The following ANKRD55 variants were observed in gnomAD, a reference collection of about 807,000 sequenced individuals.
The protein encoded by ANKRD55 is ankyrin repeat domain 55.
In ANKRD55, 41 loss-of-function variants were observed where a neutral mutation model predicts 60.6. The ratio of observed to expected loss-of-function variants is 0.68; its 90% CI spans 0.53 to 0.88. The LOEUF (loss-of-function observed/expected upper bound fraction) is 0.88. ANKRD55 is among the 40% of genes least tolerant of loss of function. The pLI is 0.00. For missense variants in ANKRD55, 732 were observed against 767.6 expected (o/e 0.95, Z 0.55); for synonymous variants, 264 against 290.3 (o/e 0.91, Z 0.92).
chr5:56,218,584 C>T (rs1376760308), intron 2 of ANKRD55, among the ~76,000 whole-genome samples: 1 of 152,152 alleles, frequency 6.6e-6, no homozygotes, highest in Admixed American at 6.5e-5. Context: ...CTGTTGCATA[C>T]TTAATAGATT....
intron 2 of ANKRD55, among the ~76,000 whole-genome samples, chr5:56,194,315 C>CAA (rs551227581): frequency 6.9e-5 from 4 of 57,908 alleles, no homozygotes; most frequent in Non-Finnish European, 3.5e-5. Flanking sequence ...GACTCCATCT[C>CAA]AAAAAAAAAA....
At position 56,135,290 on chromosome 5, in the gene ANKRD55, G is replaced by GCTTT. The variant is rs753607878; in HGVS notation, c.613-8185_613-8184insAAAG. Among the ~76,000 whole-genome samples the GCTTT allele has an allele frequency of 2.2e-3, 155 of 69,298 alleles. 1 individual carries two copies. Among genetic ancestry groups the GCTTT allele is most frequent in the East Asian group, 7.4e-3 (17 of 2,310 alleles). 45.5% of individuals were successfully genotyped at this position (69,298 alleles called of 152,430 possible). On this transcript the variant is annotated intron_variant, in intron 7 of 11. Transcript: ENST00000341048. Reference sequence around the variant, plus strand: ...TCCCTCCCTCCCTCCCTGCCTGCCTGCTTGCTTTCTTTCTTTCTTTCTTTC... The same window carrying GCTTT: ...TCCCTCCCTCCCTCCCTGCCTGCCTGCTTTCTTGCTTTCTTTCTTTCTTTCTTTC...
chr5:56,120,300 T>C (rs1052751410), intron 8 of ANKRD55, among the ~76,000 whole-genome samples: 3 of 152,118 alleles, frequency 2.0e-5, no homozygotes, highest in Non-Finnish European at 4.4e-5. Flanking sequence ...GTGTTGGAAT[T>C]ACAGGCGTGA....
At chr5:56,223,903 C>G (rs982385273) in intron 2 of ANKRD55, among the ~76,000 whole-genome samples, 1 of 152,100 alleles carries the variant, frequency 6.6e-6, no homozygotes, top group African/African-American at 2.4e-5. Context: ...CTTTAACACC[C>G]CACTGTCAAC....
chr5:56,127,227 A>G (rs1757290838), intron 7 of ANKRD55, 121 bp from the exon 8 acceptor site: 4 of 1,322,274 alleles, frequency 3.0e-6, no homozygotes, highest in Non-Finnish European at 3.9e-6. Context: ...AAAAAGATGA[A>G]AAGAGAAAAG....
At chr5:56,212,924 A>G (rs987967699) in intron 2 of ANKRD55, among the ~76,000 whole-genome samples, 4 of 152,242 alleles carry the variant, frequency 2.6e-5, no homozygotes, top group African/African-American at 9.6e-5. Context: ...ATAAGGGGGA[A>G]AATAATTCAT....
chr5:56,193,399 T>A, intron 2 of ANKRD55: 1 of 628,362 alleles, frequency 1.6e-6, no homozygotes, highest in African/African-American at 1.9e-5. Flanking sequence ...TAGAACCTTT[T>A]GGTACTGGAA....
In ANKRD55 at chr5:56,173,949, T is replaced by G. The variant is rs77016061; in HGVS notation, c.312+2203A>C. On this transcript the variant is annotated intron_variant, in intron 4 of 11. Transcript: ENST00000341048. The stretch of plus-strand genomic sequence containing the variant: ...AGACTTAACTTCTAAGTGTCCCGTT[T>G]GCGACATTTTTCTTTAATTCTTGAA... 2.6e-3 allele frequency among the ~76,000 whole-genome samples: 395 copies of G among 152,302 alleles called. 5 individuals carry two copies. The East Asian group carries it at 0.054, about 21-fold the overall frequency.
intron 7 of ANKRD55, among the ~76,000 whole-genome samples, chr5:56,141,081 A>C (rs550168481): frequency 9.0e-4 from 134 of 148,974 alleles, no homozygotes; most frequent in African/African-American, 3.2e-3. Context: ...ATATCTATCT[A>C]TATATATATG....
In ANKRD55 at chr5:56,175,724, G is replaced by A. The variant is rs569075165; in HGVS notation, c.312+428C>T. On this transcript the variant is annotated intron_variant, in intron 4 of 11. Transcript: ENST00000341048. ...CCTCCCACCACCTTCCCCAGTTCTC[G>A]TTGTTCTCCACATTCCTTAGCCTCA... Among the ~76,000 whole-genome samples the A allele has an allele frequency of 2.2e-4, 33 of 152,058 alleles. 1 individual carries two copies. The highest frequency in any genetic ancestry group is 3.4e-3 in the Middle Eastern group (1 of 294).
chr5:56,196,924 G>C (rs185487035), intron 2 of ANKRD55, among the ~76,000 whole-genome samples: 25 of 152,246 alleles, frequency 1.6e-4, no homozygotes, highest in Middle Eastern at 3.4e-3. Context: ...TGTTGGAAAT[G>C]CAACCTCTCT....
chr5:56,201,855 G>A (rs973544387), intron 2 of ANKRD55, among the ~76,000 whole-genome samples: 3 of 152,170 alleles, frequency 2.0e-5, no homozygotes, highest in Non-Finnish European at 4.4e-5. Context: ...TATCACAATA[G>A]CAGCACTATT....
intron 7 of ANKRD55, among the ~76,000 whole-genome samples, chr5:56,133,077 A>G (rs1757467510): frequency 6.6e-6 from 1 of 152,232 alleles, no homozygotes; most frequent in African/African-American, 2.4e-5. Context: ...TGAAGACTTC[A>G]ACATCCCTCT....
rs1477960130 is a variant in ANKRD55 at position 56,099,992 on chromosome 5, ACACC to A, written c.*187_*190del. ...ACAGAAATTCACAGACTTAATATGCACACCCAAATATTCTAAGTGCTTATTTAGG... is the reference window on the plus strand; with the variant it reads ...ACAGAAATTCACAGACTTAATATGCACAAATATTCTAAGTGCTTATTTAGG... On this transcript the variant is annotated 3_prime_UTR_variant, in exon 12 of 12. Transcript: ENST00000341048. The A allele has an allele frequency of 1.5e-6, 1 of 685,946 alleles. No homozygotes were observed. The highest frequency in any genetic ancestry group is 1.8e-5 in the African/African-American group (1 of 55,868). The allele number at this position is 685,946 out of a possible 1,614,324, so 42.5% of individuals were successfully genotyped here.
At chr5:56,193,234 C>G (rs1317646460) in intron 2 of ANKRD55, 7 of 1,028,184 alleles carry the variant, frequency 6.8e-6, no homozygotes, top group Non-Finnish European at 8.5e-6. Context: ...GCATTTAAAA[C>G]AGACAAGTGT....
At chr5:56,113,583 GCAGA>G (rs1561252591) in intron 9 of ANKRD55, among the ~76,000 whole-genome samples, 1 of 152,062 alleles carries the variant, frequency 6.6e-6, no homozygotes, top group Non-Finnish European at 1.5e-5. Context: ...TTTATGCCTT[GCAGA>G]CAAACTGTGG....
At position 56,149,940 on chromosome 5, in the gene ANKRD55, C is replaced by G. The variant is rs546555559; in HGVS notation, c.484-6011G>C. On this transcript the variant is annotated intron_variant, in intron 6 of 11. Coordinates refer to ENST00000341048, the MANE Select transcript of ANKRD55 (RefSeq NM_024669.3). ...TACTGCAACCTCCACCTCCTGGGTT[C>G]AAGAGATTCTCCTGCCTCAGCCTCT... 2.0e-5 allele frequency among the ~76,000 whole-genome samples: 3 copies of G among 151,352 alleles called. No homozygotes were observed. In the East Asian group the frequency reaches 5.9e-4, roughly 30 times the overall value.
At position 56,159,813 on chromosome 5, in the gene ANKRD55, T is replaced by G; in HGVS notation, c.483+20A>C. On this transcript the variant is annotated intron_variant, in intron 6 of 11. Transcript: ENST00000341048. ...CCTCACATGCAAAATGACCACTTGT[T>G]GCTTGAGAGTGTGGCTCACCTCATT... 1.2e-6 allele frequency: 2 copies of G among 1,612,956 alleles called. No homozygotes were observed. Among genetic ancestry groups the G allele is most frequent in the Non-Finnish European group, 1.7e-6 (2 of 1,179,112 alleles).
chr5:56,179,502 A>T (rs1758811829), intron 3 of ANKRD55, among the ~76,000 whole-genome samples: 1 of 152,184 alleles, frequency 6.6e-6, no homozygotes, highest in Non-Finnish European at 1.5e-5. Context: ...AAAAAATCCA[A>T]GGAAAAGATT....
Sources: allele counts gnomAD v4.1 joint callset (sites outside exome capture counted in the v4.1 genomes callset), GRCh38; gene constraint gnomAD v4.1.1; transcripts MANE v1.5; gene names NCBI Gene and HGNC (gene_info 2026-07-23, HGNC 2026-07-21).